Variants in LITAF observed in about 807,000 individuals in gnomAD.
LITAF encodes the protein lipopolysaccharide-induced tumor necrosis factor-alpha factor.
LITAF carries 9 observed loss-of-function variants against 14.5 expected under a neutral mutation model. The observed-to-expected ratio is 0.62, with a 90% CI of 0.37 to 1.08. The LOEUF (loss-of-function observed/expected upper bound fraction) is 1.08. Among genes scored for constraint, LITAF ranks in the 50% least tolerant of loss-of-function variants. The pLI, the probability that LITAF is intolerant of heterozygous loss-of-function variation, is 0.01. For missense variants in LITAF, 206 were observed against 213.4 expected (o/e 0.97, Z 0.22); for synonymous variants, 98 against 88.2 (o/e 1.11, Z -0.62).
At chr16:11,604,986 C>T (rs1031126246) in intron 3 of LITAF, among the ~76,000 whole-genome samples, 6 of 152,130 alleles carry the variant, frequency 3.9e-5, no homozygotes, top group African/African-American at 1.4e-4. Context: ...TCTCCTGTGT[C>T]GGGAAGTTGG....
intron 2 of LITAF, 184 bp downstream of exon 2, chr16:11,556,327 A>C: frequency 1.6e-6 from 1 of 606,440 alleles, no homozygotes; most frequent in Non-Finnish European, 3.0e-6. Context: ...TATTACGGAA[A>C]AGCTGTGAGC....
At chr16:11,630,622 A>C (rs2065112572) in intron 3 of LITAF, among the ~76,000 whole-genome samples, 1 of 135,818 alleles carries the variant, frequency 7.4e-6, no homozygotes, top group Admixed American at 8.3e-5. Context: ...TCTGTCACCT[A>C]GGCTGGAGTG....
upstream of LITAF, among the ~76,000 whole-genome samples, chr16:11,601,402 G>T (rs191945746): frequency 3.3e-5 from 5 of 152,222 alleles, no homozygotes; most frequent in Admixed American, 2.6e-4. Flanking sequence ...CAGAGGGAAG[G>T]GGGCTCTCCA....
chr16:11,554,777 G>T (rs897726017), intron 2 of LITAF, among the ~76,000 whole-genome samples: 4 of 98,738 alleles, frequency 4.1e-5, no homozygotes, highest in South Asian at 3.8e-4. Context: ...AACAGAACAA[G>T]ACTCTACCTC....
rs1177188415 is a variant in LITAF at position 11,548,052 on chromosome 16, A to G, written c.*1585T>C. On this transcript the variant is annotated 3_prime_UTR_variant, in exon 4 of 4. Transcript: ENST00000622633. ...CAAAAGCAGGTAACACCAAAGTACT[A>G]TGTGGTATCCATATTCGTTGCAAAA... 6.6e-6 allele frequency: 3 copies of G among 454,028 alleles called. No individual in the cohort carries two copies. The highest frequency in any genetic ancestry group is 1.3e-5 in the Non-Finnish European group (3 of 226,796). 28.1% of individuals were successfully genotyped at this position (454,028 alleles called of 1,614,324 possible). A position where few individuals can be genotyped will look rare whatever the true frequency, so the allele number is the denominator to read the frequency against.
At chr16:11,562,834 C>G (rs1339739823) in intron 1 of LITAF, among the ~76,000 whole-genome samples, 1 of 152,006 alleles carries the variant, frequency 6.6e-6, no homozygotes, top group East Asian at 1.9e-4. Context: ...GAGTTTGAGA[C>G]TGCAATAAGC....
chr16:11,585,789 C>T (rs1393065429), intron 1 of LITAF, among the ~76,000 whole-genome samples: 1 of 152,138 alleles, frequency 6.6e-6, no homozygotes, highest in East Asian at 1.9e-4. Flanking sequence ...GGGAGGCATC[C>T]TCTTTGGGAA....
Position 11,557,139 on chromosome 16 carries a change from C to T in LITAF, c.-5-404G>A, listed in dbSNP as rs187616102. ...GGTTTTCACTAACTGTTTCAGGTAA[C>T]GGAAAAGATAAAGGCATTCAAAAAC... is the stretch of plus-strand genomic sequence containing the variant. On this transcript the variant is annotated intron_variant, in intron 1 of 3. Coordinates refer to ENST00000622633, the MANE Select transcript of LITAF (RefSeq NM_001136472.2). Among the ~76,000 whole-genome samples, 28 of 150,290 alleles carry T rather than the reference C, an allele frequency of 1.9e-4. No individual in the cohort carries two copies. In the East Asian group the frequency reaches 3.1e-3, roughly 17 times the overall value.
At chr16:11,599,924 C>T (rs2064917041), upstream of LITAF, among the ~76,000 whole-genome samples, 3 of 152,134 alleles carry the variant, frequency 2.0e-5, no homozygotes. Context: ...GGTTATCCTC[C>T]CCTTCCCGAC....
At chr16:11,620,042 C>T in intron 3 of LITAF, among the ~76,000 whole-genome samples, 1 of 151,678 alleles carries the variant, frequency 6.6e-6, no homozygotes, top group East Asian at 1.9e-4. Flanking sequence ...GTGGCGGGTG[C>T]CTGTAATCCC....
chr16:11,623,659 CAA>C (rs546795665), intron 3 of LITAF, among the ~76,000 whole-genome samples: 4 of 133,834 alleles, frequency 3.0e-5, no homozygotes, highest in African/African-American at 5.5e-5. Flanking sequence ...AACTTTGTCT[CAA>C]AAAAAAAAAA....
intron 3 of LITAF, among the ~76,000 whole-genome samples, chr16:11,620,825 T>A (rs548162944): frequency 1.3e-5 from 2 of 152,332 alleles, no homozygotes; most frequent in South Asian, 4.1e-4. Context: ...GCGGGCACTG[T>A]CATGGCCCTG....
chr16:11,560,883 G>C (rs932141335), intron 1 of LITAF, among the ~76,000 whole-genome samples: 11 of 152,200 alleles, frequency 7.2e-5, no homozygotes, highest in African/African-American at 2.4e-4. Context: ...TTTGAGGCGT[G>C]TTGCTAGTTT....
At chr16:11,556,299 A>G (rs1307116695) in intron 2 of LITAF, 2 of 575,282 alleles carry the variant, frequency 3.5e-6, no homozygotes, top group East Asian at 2.8e-5. Context: ...ACCATGGGAA[A>G]GATCCTAAAC....
At chr16:11,631,328 CTT>C (rs1366756285) in intron 3 of LITAF, among the ~76,000 whole-genome samples, 1 of 152,224 alleles carries the variant, frequency 6.6e-6, no homozygotes, top group Non-Finnish European at 1.5e-5. Context: ...AGGGTCCTCT[CTT>C]GCTTCTTTCA....
intron 3 of LITAF, among the ~76,000 whole-genome samples, chr16:11,626,837 T>G (rs2065086913): frequency 6.6e-6 from 1 of 152,034 alleles, no homozygotes; most frequent in Admixed American, 6.6e-5. Context: ...TGGTGAAAAT[T>G]TATTTCTTCT....
chr16:11,629,868 C>T (rs532905658), intron 3 of LITAF, among the ~76,000 whole-genome samples: 1 of 152,178 alleles, frequency 6.6e-6, no homozygotes, highest in Non-Finnish European at 1.5e-5. Context: ...CTCTTCCCCC[C>T]ACAGCCTGGC....
chr16:11,569,971 C>T (rs1017557897), intron 1 of LITAF, among the ~76,000 whole-genome samples: 1 of 150,462 alleles, frequency 6.6e-6, no homozygotes, highest in Non-Finnish European at 1.5e-5. Flanking sequence ...GCGGAGATTG[C>T]AGTGAGACGA....
intron 1 of LITAF, among the ~76,000 whole-genome samples, chr16:11,565,712 C>T (rs2064441608): frequency 6.6e-6 from 1 of 152,090 alleles, no homozygotes; most frequent in Non-Finnish European, 1.5e-5. Flanking sequence ...CGCACAGTCT[C>T]TCGTGGCGTC....
Sources: allele counts gnomAD v4.1 joint callset (sites outside exome capture counted in the v4.1 genomes callset), GRCh38; gene constraint gnomAD v4.1.1; transcripts MANE v1.5; gene names NCBI Gene and HGNC (gene_info 2026-07-23, HGNC 2026-07-21).